CATSPERZ: variants seen among roughly 807,000 people sequenced by gnomAD.
CATSPERZ encodes the protein catsper channel auxiliary subunit zeta.
A neutral mutation model predicts 21.7 loss-of-function variants in CATSPERZ; 21 were observed. The ratio of observed to expected loss-of-function variants is 0.97; its 90% CI spans 0.69 to 1.39. CATSPERZ has a LOEUF of 1.39. Ranked by LOEUF, CATSPERZ falls within the 40% of genes most tolerant of loss-of-function variation. The pLI is 0.00. For synonymous variants in CATSPERZ, 127 were observed against 108.7 expected, an observed-to-expected ratio of 1.17 and a Z score of -1.05; for missense variants, 234 against 259.5, an observed-to-expected ratio of 0.90 and a Z score of 0.68.
chr11:64,304,726 C>T lies in CATSPERZ; in HGVS notation c.*80C>T. On this transcript the variant is annotated 3_prime_UTR_variant, in exon 5 of 5. Coordinates refer to ENST00000328404, the MANE Select transcript of CATSPERZ (RefSeq NM_001039496.2). ...CCCCAGACCCAAGCCTGACCCCATC[C>T]GAGTGGAATTTGAGTCCTAAAGAAA... 3.3e-6 allele frequency: 4 copies of T among 1,211,540 alleles called. No individual in the cohort carries two copies. In the South Asian group the frequency reaches 5.4e-5, roughly 16 times the overall value. The allele number at this position is 1,211,540 out of a possible 1,614,324, so 75.0% of individuals were successfully genotyped here.
Position 64,303,563 on chromosome 11 carries a change from T to C in CATSPERZ, c.432+2T>C, listed in dbSNP as rs984265721. On this transcript the variant is annotated splice_donor_variant, in intron 3 of 4. Coordinates refer to ENST00000328404, the MANE Select transcript of CATSPERZ (RefSeq NM_001039496.2). LOFTEE classifies it high-confidence loss of function. ...TACTGGGCAGAGCAGCAGAGCAGGGTTGGAGGGGCTGGGGAGACTGGGCGT... is the reference window on the plus strand; with the variant it reads ...TACTGGGCAGAGCAGCAGAGCAGGGCTGGAGGGGCTGGGGAGACTGGGCGT... 2.5e-6 allele frequency: 4 copies of C among 1,611,654 alleles called. No individual in the cohort carries two copies. The highest frequency in any genetic ancestry group is 3.3e-4 in the Middle Eastern group (2 of 6,078).
At chr11:64,302,562 G>A (rs1463135177) in intron 2 of CATSPERZ, among the ~76,000 whole-genome samples, 1 of 151,892 alleles carries the variant, frequency 6.6e-6, no homozygotes, top group African/African-American at 2.4e-5. Flanking sequence ...TTACAGGCGT[G>A]AGCCAACCGC....
Position 64,304,540 on chromosome 11 carries a change from TAG to T in CATSPERZ, c.500-2_500-1del. 2 of 1,577,886 alleles carry T rather than the reference TAG, an allele frequency of 1.3e-6. No homozygotes were observed. The highest frequency in any genetic ancestry group is 4.7e-5 in the East Asian group (2 of 42,744). On this transcript the variant is annotated splice_acceptor_variant, in intron 4 of 4. Coordinates refer to ENST00000328404, the MANE Select transcript of CATSPERZ (RefSeq NM_001039496.2). LOFTEE classifies it high-confidence loss of function. ...CCTGAGCCGAGCTCTGCCCTCCTCCTAGGCTACCAGTTAGGGATCGGCAGGGA... is the reference window on the plus strand; with the variant it reads ...CCTGAGCCGAGCTCTGCCCTCCTCCTGCTACCAGTTAGGGATCGGCAGGGA...
intron 2 of CATSPERZ, among the ~76,000 whole-genome samples, chr11:64,302,523 G>A (rs564631723): frequency 2.0e-5 from 3 of 152,006 alleles, no homozygotes; most frequent in African/African-American, 4.8e-5. Flanking sequence ...CTCGTGATCC[G>A]CCCACCTCGG....
chr11:64,303,738 T>C (rs930374370), intron 3 of CATSPERZ, 35 bp from the exon 4 acceptor site: 2 of 1,569,846 alleles, frequency 1.3e-6, no homozygotes, highest in Admixed American at 3.8e-5. Flanking sequence ...AGAGATGAAG[T>C]ACCTGGACGC....
In CATSPERZ at chr11:64,304,567, A is replaced by C; in HGVS notation, c.524A>C (p.Asp175Ala). Residue 175 changes from aspartate to alanine, a missense_variant, in exon 5 of 5, where the codon GAC becomes GCC. Transcript: ENST00000328404. The stretch of plus-strand genomic sequence containing the variant: ...GGCTACCAGTTAGGGATCGGCAGGG[A>C]CCACTTCCTGACTAAGGAGCTGCAG... The part of the protein sequence containing the change: ...LRSYQLGIGR[D>A]HFLTKELQRY... The C allele has an allele frequency of 6.3e-7, 1 of 1,586,782 alleles. No homozygotes were observed. Among genetic ancestry groups the C allele is most frequent in the Non-Finnish European group, 8.6e-7 (1 of 1,167,584 alleles).
At chr11:64,302,422 A>C (rs1363531144) in intron 2 of CATSPERZ, among the ~76,000 whole-genome samples, 1 of 152,072 alleles carries the variant, frequency 6.6e-6, no homozygotes, top group East Asian at 1.9e-4. Context: ...CTGGGACTAC[A>C]GGCGCCTGCC....
rs142295121 is a variant in CATSPERZ, at chr11:64,301,002, G to GC, written c.352+17dup. ...GATCGAGGCCGGTCAGTGTGGCCTC[G>GC]CCAGGCCGTGGGCACCCGCAGGGCA... On this transcript the variant is annotated intron_variant, in intron 2 of 4. Transcript: ENST00000328404. 9,630 of 1,506,224 alleles carry GC rather than the reference G, an allele frequency of 6.4e-3. 62 individuals are homozygous for GC. Among genetic ancestry groups the GC allele is most frequent in the Non-Finnish European group, 7.6e-3 (8,506 of 1,120,178 alleles). The allele number at this position is 1,506,224 out of a possible 1,614,324, so 93.3% of individuals were successfully genotyped here. A position where few individuals can be genotyped will look rare whatever the true frequency, so the allele number is the denominator to read the frequency against.
rs764108734 is a variant in CATSPERZ at position 64,303,586 on chromosome 11, C to T, written c.432+25C>T. On this transcript the variant is annotated intron_variant, in intron 3 of 4. Coordinates refer to ENST00000328404, the MANE Select transcript of CATSPERZ (RefSeq NM_001039496.2). ...GGTTGGAGGGGCTGGGGAGACTGGGCGTTTCGGTGGGGTAGGGGATAGGCA... is the reference window on the plus strand; with the variant it reads ...GGTTGGAGGGGCTGGGGAGACTGGGTGTTTCGGTGGGGTAGGGGATAGGCA... 169 of 1,584,076 alleles carry T rather than the reference C, an allele frequency of 1.1e-4. No individual in the cohort carries two copies. The South Asian group carries it at 1.6e-3, about 15-fold the overall frequency.
rs759876802 is a variant in CATSPERZ at position 64,300,739 on chromosome 11, C to G, written c.104C>G (p.Thr35Arg). Reference protein sequence around the residue: ...SDTRDLWTTTTLSQAQLNMPL... With the variant: ...SDTRDLWTTTRLSQAQLNMPL... The stretch of plus-strand genomic sequence containing the variant: ...ACTCGGGACCTGTGGACCACGACCA[C>G]GCTGTCCCAGGCACAGCTGAACATG... The change falls in exon 2 of 5, where the codon ACG (threonine) becomes AGG (arginine). Residue 35 changes from threonine to arginine, a missense_variant. Physicochemically the swap from Thr to Arg is moderately conservative, Grantham distance 71. Transcript: ENST00000328404. 3.2e-6 allele frequency: 5 copies of G among 1,551,852 alleles called. No individual in the cohort carries two copies. The South Asian group carries it at 5.9e-5, about 18-fold the overall frequency.
chr11:64,300,926 C>T lies in CATSPERZ; in HGVS notation c.291C>T (p.His97=). 3 of 1,581,262 alleles carry T rather than the reference C, an allele frequency of 1.9e-6. No homozygotes were observed. The highest frequency in any genetic ancestry group is 1.7e-6 in the Non-Finnish European group (2 of 1,164,718). ...DEHALVELEL[H]RGSSMEINLG... Reference sequence around the variant, plus strand: ...ACGCGCTGGTGGAGCTGGAGTTGCACCGCGGCAGCTCCATGGAAATCAATC... The same window carrying T: ...ACGCGCTGGTGGAGCTGGAGTTGCATCGCGGCAGCTCCATGGAAATCAATC... Residue 97 remains histidine, a synonymous_variant, in exon 2 of 5, where the codon CAC becomes CAT. Transcript: ENST00000328404.
chr11:64,300,443 C>A lies in CATSPERZ; in HGVS notation c.21+12C>A. The A allele has an allele frequency of 6.6e-7, 1 of 1,521,538 alleles. No homozygotes were observed. The highest frequency in any genetic ancestry group is 1.1e-5 in the South Asian group (1 of 89,078). The allele number at this position is 1,521,538 out of a possible 1,614,324, so 94.3% of individuals were successfully genotyped here. A position where few individuals can be genotyped will look rare whatever the true frequency, so the allele number is the denominator to read the frequency against. On this transcript the variant is annotated intron_variant, in intron 1 of 4. Coordinates refer to ENST00000328404, the MANE Select transcript of CATSPERZ (RefSeq NM_001039496.2). ...AAAAGCCTTCGAAAGTAAGACGTCT[C>A]CCTAGGCCCCTTACCCTGTCCGCTC...
chr11:64,301,040 G>T (rs2034917005), intron 2 of CATSPERZ, 53 bp downstream of exon 2: 1 of 1,432,124 alleles, frequency 7.0e-7, no homozygotes, highest in Non-Finnish European at 9.3e-7. Flanking sequence ...AAGCTGGCCA[G>T]GGACTCAATT....
At chr11:64,303,317 C>T (rs2034957952) in intron 2 of CATSPERZ, among the ~76,000 whole-genome samples, 165 bp from the exon 3 acceptor site, 1 of 152,162 alleles carries the variant, frequency 6.6e-6, no homozygotes, top group Non-Finnish European at 1.5e-5. Context: ...GTGGGTGGGG[C>T]TCTAAAGCCC....
chr11:64,304,439 A>ACCTCGAATCATCTGCGGTT, intron 4 of CATSPERZ, 104 bp from the exon 5 acceptor site: 1 of 817,792 alleles, frequency 1.2e-6, no homozygotes, highest in Non-Finnish European at 1.9e-6. Context: ...CGCTACTGCT[A>ACCTCGAATCATCTGCGGTT]CCTCGAATCA....
chr11:64,301,530 C>A (rs1430892639), intron 2 of CATSPERZ, among the ~76,000 whole-genome samples: 1 of 151,680 alleles, frequency 6.6e-6, no homozygotes, highest in Admixed American at 6.6e-5. Context: ...CGCGCCACCA[C>A]GTGCGGCTAA....
chr11:64,302,435 C>T (rs1218139927), intron 2 of CATSPERZ, among the ~76,000 whole-genome samples: 1 of 151,590 alleles, frequency 6.6e-6, no homozygotes, highest in Non-Finnish European at 1.5e-5. Context: ...CGCCTGCCAG[C>T]ACGCCCGGCT....
In CATSPERZ at chr11:64,303,912, G is replaced by T. The variant is rs985760939; in HGVS notation, c.499+73G>T. 1.7e-5 allele frequency: 25 copies of T among 1,496,742 alleles called. No individual in the cohort carries two copies. In the Admixed American group the frequency reaches 3.9e-4, roughly 24 times the overall value. The allele number at this position is 1,496,742 out of a possible 1,614,324, so 92.7% of individuals were successfully genotyped here. Reference sequence around the variant, plus strand: ...GATTTTGCAGGGCTGGGGCCCAGGGGGGTGGGGTTTCAGGGTGCCTTATGT... The same window carrying T: ...GATTTTGCAGGGCTGGGGCCCAGGGTGGTGGGGTTTCAGGGTGCCTTATGT... On this transcript the variant is annotated intron_variant, in intron 4 of 4. Transcript: ENST00000328404.
At chr11:64,300,582 A>C in intron 1 of CATSPERZ, 75 bp from the exon 2 acceptor site, 4 of 1,515,332 alleles carry the variant, frequency 2.6e-6, no homozygotes, top group South Asian at 1.2e-5. Flanking sequence ...GGCCCGGCTC[A>C]GTTCCCCAGC....
Sources: allele counts gnomAD v4.1 joint callset (sites outside exome capture counted in the v4.1 genomes callset), GRCh38; gene constraint gnomAD v4.1.1; transcripts MANE v1.5; gene names NCBI Gene and HGNC (gene_info 2026-07-23, HGNC 2026-07-21).